Variants in DCTN4 observed in about 807,000 individuals in gnomAD.
DCTN4 encodes dynactin 4 (p62).
A neutral mutation model predicts 62.7 loss-of-function variants in DCTN4; 23 were observed. That is an observed-to-expected ratio of 0.37 (90% CI 0.26 to 0.52). The LOEUF (loss-of-function observed/expected upper bound fraction) is 0.52, where lower values mean the gene tolerates loss of function less well. Ranked by LOEUF, DCTN4 falls within the 20% of genes least tolerant of loss-of-function variation. The pLI is 0.92. For synonymous variants in DCTN4, 199 were observed against 202.1 expected (o/e 0.98, Z 0.13); for missense variants, 514 against 580.4 (o/e 0.89, Z 1.18).
At chr5:150,755,047 T>C (rs1752808365) in intron 2 of DCTN4, among the ~76,000 whole-genome samples, 1 of 151,780 alleles carries the variant, frequency 6.6e-6, no homozygotes, top group Non-Finnish European at 1.5e-5. Context: ...ATCAAAGTAA[T>C]GAACAGAGAA....
intron 4 of DCTN4, among the ~76,000 whole-genome samples, chr5:150,739,964 C>T (rs1404329595): frequency 1.3e-5 from 2 of 152,028 alleles, no homozygotes; most frequent in African/African-American, 2.4e-5. Flanking sequence ...AGACCTGAAA[C>T]CATAAAAATT....
chr5:150,727,472 A>C (rs191753876), intron 8 of DCTN4, among the ~76,000 whole-genome samples: 1 of 152,286 alleles, frequency 6.6e-6, no homozygotes, highest in Admixed American at 6.5e-5. Flanking sequence ...GACATTTCTA[A>C]AGCAGATTAA....
chr5:150,716,061 T>C (rs578140001), intron 11 of DCTN4, among the ~76,000 whole-genome samples: 15 of 152,200 alleles, frequency 9.9e-5, no homozygotes, highest in African/African-American at 3.1e-4. Context: ...CCCACCACCA[T>C]GCCTGGCTAA....
chr5:150,758,922 G>C lies in DCTN4; in HGVS notation c.72C>G (p.Leu24=). The part of the protein sequence containing the change: ...VQGEKKVRAP[L]SQLYFCRYCS... Reference sequence around the variant, plus strand: ...AATAGCGGCAGAAGTAGAGTTGCGAGAGCGGGGCCCGAACCTTCTTTTCTC... The same window carrying C: ...AATAGCGGCAGAAGTAGAGTTGCGACAGCGGGGCCCGAACCTTCTTTTCTC... Residue 24 remains leucine (L), a synonymous_variant, in exon 1 of 13, where the codon CTC becomes CTG. Coordinates refer to ENST00000447998, the MANE Select transcript of DCTN4 (RefSeq NM_016221.4). The C allele has an allele frequency of 1.9e-6, 3 of 1,614,148 alleles. No homozygotes were observed. The highest frequency in any genetic ancestry group is 2.5e-6 in the Non-Finnish European group (3 of 1,180,034).
chr5:150,753,222 C>T (rs1752740947), intron 3 of DCTN4, among the ~76,000 whole-genome samples: 1 of 152,120 alleles, frequency 6.6e-6, no homozygotes, highest in Non-Finnish European at 1.5e-5. Flanking sequence ...TCATGAAGAG[C>T]ATTAATATTT....
intron 3 of DCTN4, among the ~76,000 whole-genome samples, chr5:150,746,437 A>G (rs911206599): frequency 3.3e-5 from 5 of 152,142 alleles, no homozygotes; most frequent in African/African-American, 1.2e-4. Flanking sequence ...AACTCATTTT[A>G]TGAGGCCAGC....
chr5:150,716,107 T>C (rs1368283612), intron 11 of DCTN4, among the ~76,000 whole-genome samples: 3 of 152,192 alleles, frequency 2.0e-5, no homozygotes, highest in African/African-American at 7.2e-5. Context: ...GGTTTCACCA[T>C]ATTGGCCAAG....
At chr5:150,744,195 G>T (rs182877340) in intron 3 of DCTN4, among the ~76,000 whole-genome samples, 1 of 152,048 alleles carries the variant, frequency 6.6e-6, no homozygotes, top group Admixed American at 6.5e-5. Flanking sequence ...TATCAGTGAC[G>T]GAAGATGAAA....
At chr5:150,740,465 A>G (rs1465832013) in intron 4 of DCTN4, among the ~76,000 whole-genome samples, 1 of 152,202 alleles carries the variant, frequency 6.6e-6, no homozygotes, top group Non-Finnish European at 1.5e-5. Context: ...AATGTAAACT[A>G]GTACACCACT....
rs1166988887 is a variant in DCTN4 at position 150,730,592 on chromosome 5, T to C, written c.834+39A>G. On this transcript the variant is annotated intron_variant, in intron 8 of 12. Coordinates refer to ENST00000447998, the MANE Select transcript of DCTN4 (RefSeq NM_016221.4). ...CCAGCCACATTTATTTTTGCTTTCCTCTTGTACAAATGGTCAGTCTACAGA... is the reference window on the plus strand; with the variant it reads ...CCAGCCACATTTATTTTTGCTTTCCCCTTGTACAAATGGTCAGTCTACAGA... The C allele has an allele frequency of 1.9e-6, 3 of 1,576,042 alleles. No homozygotes were observed. The South Asian group carries it at 3.4e-5, about 18-fold the overall frequency.
chr5:150,722,906 C>T lies in DCTN4; in HGVS notation c.908+1G>A. 2 of 1,610,780 alleles carry T rather than the reference C, an allele frequency of 1.2e-6. No individual in the cohort carries two copies. The highest frequency in any genetic ancestry group is 1.7e-6 in the Non-Finnish European group (2 of 1,178,230). ...GAAAACACCAATCCCAAAATACTTA[C>T]ACAGCGACCAGCTGGATTTTGAATT... is the stretch of plus-strand genomic sequence containing the variant. On this transcript the variant is annotated splice_donor_variant, in intron 9 of 12. Coordinates refer to ENST00000447998, the MANE Select transcript of DCTN4 (RefSeq NM_016221.4). LOFTEE classifies it high-confidence loss of function.
In DCTN4 at chr5:150,710,718, T is replaced by C. The variant is rs567237519; in HGVS notation, c.*431A>G. ...CGGAATGCAGAAAGCAGTTGGTACATTGTGACCAATGCTGGATCATTAACA... is the reference window on the plus strand; with the variant it reads ...CGGAATGCAGAAAGCAGTTGGTACACTGTGACCAATGCTGGATCATTAACA... On this transcript the variant is annotated 3_prime_UTR_variant, in exon 13 of 13. Transcript: ENST00000447998. The C allele has an allele frequency of 2.7e-5, 5 of 182,048 alleles. No homozygotes were observed. The South Asian group carries it at 3.8e-4, about 14-fold the overall frequency. 11.3% of individuals were successfully genotyped at this position (182,048 alleles called of 1,614,324 possible).
chr5:150,732,100 A>G (rs1760395488), intron 5 of DCTN4, among the ~76,000 whole-genome samples: 1 of 152,196 alleles, frequency 6.6e-6, no homozygotes, highest in African/African-American at 2.4e-5. Context: ...AGAAAAATTC[A>G]CTTCTTTTTG....
intron 3 of DCTN4, among the ~76,000 whole-genome samples, chr5:150,748,943 GAAAAAAAA>G (rs983426605): frequency 6.8e-6 from 1 of 146,966 alleles, no homozygotes; most frequent in Non-Finnish European, 1.5e-5. Context: ...ATAATAATAA[GAAAAAAAA>G]AGAAAAAAAG....
intron 1 of DCTN4, among the ~76,000 whole-genome samples, chr5:150,757,455 G>A (rs1176800138): frequency 6.6e-6 from 1 of 152,034 alleles, no homozygotes; most frequent in Non-Finnish European, 1.5e-5. Flanking sequence ...AACTCTAATG[G>A]CCTCCATATC....
intron 8 of DCTN4, among the ~76,000 whole-genome samples, chr5:150,726,720 T>C (rs59067356): frequency 6.6e-6 from 1 of 152,310 alleles, no homozygotes; most frequent in African/African-American, 2.4e-5. Flanking sequence ...CTTGGATTTG[T>C]ACTTTGTGAT....
At chr5:150,744,001 G>A (rs1760866460) in intron 3 of DCTN4, among the ~76,000 whole-genome samples, 1 of 152,198 alleles carries the variant, frequency 6.6e-6, no homozygotes, top group South Asian at 2.1e-4. Context: ...CGAGCTACAG[G>A]AGGAAATTCG....
chr5:150,748,443 A>G (rs563899790), intron 3 of DCTN4, among the ~76,000 whole-genome samples: 151 of 152,258 alleles, frequency 9.9e-4, no homozygotes, highest in African/African-American at 3.4e-3. Flanking sequence ...CTGGGTATAT[A>G]CCCAAAGAAC....
intron 8 of DCTN4, among the ~76,000 whole-genome samples, chr5:150,724,761 A>G (rs1760076664): frequency 6.6e-6 from 1 of 152,210 alleles, no homozygotes; most frequent in African/African-American, 2.4e-5. Flanking sequence ...GTCTGCATAC[A>G]TATAGACACA....
Sources: gnomAD v4.1 joint callset for allele counts (sites outside exome capture counted in the v4.1 genomes callset) on GRCh38, gnomAD v4.1.1 for gene constraint, MANE v1.5 for transcripts, NCBI Gene and HGNC (gene_info 2026-07-23, HGNC 2026-07-21) for gene names.